ARHGAP27: variants seen among roughly 807,000 people sequenced by gnomAD.
ARHGAP27 encodes rho GTPase-activating protein 27.
ARHGAP27 carries 53 observed loss-of-function variants against 102.0 expected under a neutral mutation model. The observed-to-expected ratio is 0.52, with a 90% CI of 0.42 to 0.65. The LOEUF is 0.65. Ranked by LOEUF, ARHGAP27 falls within the 30% of genes least tolerant of loss-of-function variation. The pLI, the probability that ARHGAP27 is intolerant of heterozygous loss-of-function variation, is 0.00. For synonymous variants in ARHGAP27, 525 were observed against 542.8 expected (o/e 0.97, Z 0.46); for missense variants, 1,117 against 1,256.2 (o/e 0.89, Z 1.68).
rs755803083 is a variant in ARHGAP27 at position 45,396,559 on chromosome 17, C to G, written c.2101G>C (p.Ala701Pro). 5.6e-6 allele frequency: 9 copies of G among 1,601,026 alleles called. No individual in the cohort carries two copies. Among genetic ancestry groups the G allele is most frequent in the Non-Finnish European group, 7.6e-6 (9 of 1,176,960 alleles). ...KDQVFGCALA[A>P]LCERERSRVP... ...CGGCTCCTCTCGCGCTCACACAGCG[C>G]GGCCAGCGCGCAGCCGAACACCTGG... Residue 701 changes from alanine to proline, a missense_variant, in exon 16 of 20, where the codon GCG (alanine) becomes CCG (proline). Transcript: ENST00000685559.
At position 45,429,635 on chromosome 17, in the gene ARHGAP27, C is replaced by T. The variant is rs1275965227; in HGVS notation, c.645G>A (p.Glu215=). The stretch of plus-strand genomic sequence containing the variant: ...CCCGGGGAGGTACCTGCTCTGCGCT[C>T]TCCTCCGGCGGCGGGACGTGCAAGT... ...IQDLHVPPPE[E]SAEQVDDPPE... Residue 215 remains glutamate, a synonymous_variant, in exon 4 of 20, where the codon GAG becomes GAA. Coordinates refer to ENST00000685559, the MANE Select transcript of ARHGAP27 (RefSeq NM_001282290.2). The T allele has an allele frequency of 5.7e-6, 9 of 1,583,436 alleles. No individual in the cohort carries two copies. Among genetic ancestry groups the T allele is most frequent in the Non-Finnish European group, 7.7e-6 (9 of 1,164,688 alleles).
chr17:45,404,218 A>T, intron 9 of ARHGAP27, 51 bp downstream of exon 9: 1 of 1,611,888 alleles, frequency 6.2e-7, no homozygotes, highest in Non-Finnish European at 8.5e-7. Context: ...TCTCCACTGA[A>T]CCCTCCTCGC....
intron 13 of ARHGAP27, chr17:45,397,591 A>G (rs2045904145): frequency 3.9e-6 from 1 of 256,188 alleles, no homozygotes; most frequent in Non-Finnish European, 7.4e-6. Context: ...TCAGCCTTAA[A>G]AAAATGGTCG....
At chr17:45,396,402 A>G (rs1313273516) in intron 16 of ARHGAP27, 85 bp downstream of exon 16, 1 of 1,465,958 alleles carries the variant, frequency 6.8e-7, no homozygotes, top group East Asian at 2.5e-5. Context: ...CCCTGCGTCC[A>G]TCCAGGGGTC....
At chr17:45,412,826 G>A (rs1199059499) in intron 4 of ARHGAP27, among the ~76,000 whole-genome samples, 1 of 152,162 alleles carries the variant, frequency 6.6e-6, no homozygotes, top group Admixed American at 6.5e-5. Flanking sequence ...AGGCTTTGGG[G>A]AACTGTGCCT....
In ARHGAP27 at chr17:45,410,203, G is replaced by A. The variant is rs536084892; in HGVS notation, c.658-4120C>T. 93 of 1,532,780 alleles carry A rather than the reference G, an allele frequency of 6.1e-5. No individual in the cohort carries two copies. The African/African-American group carries it at 7.0e-4, about 12-fold the overall frequency. 94.9% of individuals were successfully genotyped at this position (1,532,780 alleles called of 1,614,324 possible). ...ACAGGGCTTGTGGTAGAGGCCCACC[G>A]GGCACCCCTTGACCCCAGCATCCCC... On this transcript the variant is annotated intron_variant, in intron 4 of 19. Transcript: ENST00000685559.
rs772327132 is a variant in ARHGAP27, at chr17:45,404,617, C to A, written c.1313G>T (p.Arg438Leu). Residue 438 changes from arginine (R) to leucine (L), a missense_variant, in exon 7 of 20, where the codon CGA (arginine) becomes CTA (leucine). This residue lies in a region of ARHGAP27 where 610 missense variants were observed against 716.4 expected (regional missense o/e 0.85). Coordinates refer to ENST00000685559, the MANE Select transcript of ARHGAP27 (RefSeq NM_001282290.2). ...YFYNPEDSSV[R>L]WELPQVPVPA... Reference sequence around the variant, plus strand: ...GGTTGTTACCTGGGGCAGCTCCCATCGAACAGAGGAGTCCTCTGGATTGTA... The same window carrying A: ...GGTTGTTACCTGGGGCAGCTCCCATAGAACAGAGGAGTCCTCTGGATTGTA... 10 of 1,613,980 alleles carry A rather than the reference C, an allele frequency of 6.2e-6. No individual in the cohort carries two copies. Among genetic ancestry groups the A allele is most frequent in the African/African-American group, 1.3e-5 (1 of 75,020 alleles).
intron 5 of ARHGAP27, 142 bp downstream of exon 5, chr17:45,405,534 G>C (rs2047049582): frequency 1.0e-5 from 12 of 1,201,292 alleles, no homozygotes; most frequent in Non-Finnish European, 1.4e-5. Context: ...GTGGGAGCAG[G>C]AGAAGGGGTC....
chr17:45,418,085 T>TC (rs940345044), intron 4 of ARHGAP27, among the ~76,000 whole-genome samples: 1 of 108,536 alleles, frequency 9.2e-6, no homozygotes, highest in Non-Finnish European at 2.2e-5. Context: ...TTGGACATTT[T>TC]CTTTTTTTTT....
In ARHGAP27 at chr17:45,396,298, A is replaced by G. The variant is rs773423248; in HGVS notation, c.2174-14T>C. ...CGATGTCCAGCCCTGGGCCAGAGGG[A>G]GGCGCTGATCCCGGGTTCAGGGATG... is the stretch of plus-strand genomic sequence containing the variant. On this transcript the variant is annotated splice_polypyrimidine_tract_variant and intron_variant, in intron 16 of 19. Coordinates refer to ENST00000685559, the MANE Select transcript of ARHGAP27 (RefSeq NM_001282290.2). 8.7e-6 allele frequency: 14 copies of G among 1,603,948 alleles called. No homozygotes were observed. In the Admixed American group the frequency reaches 2.4e-4, roughly 28 times the overall value.
intron 4 of ARHGAP27, chr17:45,429,327 A>C (rs1477147423): frequency 9.9e-7 from 1 of 1,009,188 alleles, no homozygotes; most frequent in Non-Finnish European, 1.3e-6. Flanking sequence ...AAGTGCGATA[A>C]ATAAAGACCA....
chr17:45,412,659 T>C (rs2048040044), intron 4 of ARHGAP27, among the ~76,000 whole-genome samples: 4 of 152,184 alleles, frequency 2.6e-5, no homozygotes, highest in Admixed American at 1.3e-4. Flanking sequence ...AGCTCAGTCA[T>C]GTCCACACGA....
chr17:45,397,828 A>AG, intron 13 of ARHGAP27, 121 bp downstream of exon 13: 1 of 785,722 alleles, frequency 1.3e-6, no homozygotes, highest in East Asian at 2.6e-5. Context: ...CCTAGCCATT[A>AG]GTGGGGACTG....
intron 13 of ARHGAP27, 75 bp from the exon 14 acceptor site, chr17:45,397,099 G>A (rs925687590): frequency 1.1e-5 from 18 of 1,570,336 alleles, no homozygotes; most frequent in Middle Eastern, 1.8e-4. Context: ...CAAGGGACCC[G>A]AAATGCACTC....
intron 4 of ARHGAP27, among the ~76,000 whole-genome samples, chr17:45,422,710 G>C (rs144741746): frequency 2.0e-5 from 3 of 152,244 alleles, no homozygotes; most frequent in Admixed American, 6.5e-5. Context: ...AAAAGCCCCA[G>C]AAGAGCTTTA....
intron 4 of ARHGAP27, among the ~76,000 whole-genome samples, chr17:45,428,041 G>C (rs1230846059): frequency 2.0e-5 from 3 of 152,228 alleles, no homozygotes; most frequent in Non-Finnish European, 4.4e-5. Context: ...CCGCACCTCT[G>C]CGCTTCTCAA....
At chr17:45,418,030 CTGTCTCAAAAAAAAAAAAAAAAAA>C (rs1000709277) in intron 4 of ARHGAP27, among the ~76,000 whole-genome samples, 1 of 144,792 alleles carries the variant, frequency 6.9e-6, no homozygotes, top group African/African-American at 2.5e-5. Context: ...AAGCGAGACT[CTGTCTCAAAAAAAAAAAAAAAAAA>C]TTTTTTTACT....
chr17:45,404,890 A>T, intron 6 of ARHGAP27, 34 bp downstream of exon 6: 3 of 1,613,876 alleles, frequency 1.9e-6, no homozygotes, highest in Non-Finnish European at 2.5e-6. Context: ...GAGGACTCTG[A>T]GGCTGTCCGG....
chr17:45,413,931 C>T (rs2048175096), intron 4 of ARHGAP27, among the ~76,000 whole-genome samples: 1 of 152,120 alleles, frequency 6.6e-6, no homozygotes, highest in South Asian at 2.1e-4. Flanking sequence ...CATAGCGAAA[C>T]CTTGTCTCTA....
Sources: gnomAD v4.1 joint callset for allele counts (sites outside exome capture counted in the v4.1 genomes callset) on GRCh38, gnomAD v4.1.1 for gene constraint, gnomAD v4.1.1 regional missense constraint, MANE v1.5 for transcripts, NCBI Gene and HGNC (gene_info 2026-07-23, HGNC 2026-07-21) for gene names.